CUL1: variants seen among roughly 807,000 people sequenced by gnomAD.
CUL1 encodes cullin 1, also known as cullin-1.
A neutral mutation model predicts 118.0 loss-of-function variants in CUL1; 24 were observed. The observed-to-expected ratio is 0.20, with a 90% CI of 0.15 to 0.29. The LOEUF (loss-of-function observed/expected upper bound fraction) is 0.29, where lower values mean the gene tolerates loss of function less well. CUL1 is among the 10% of genes least tolerant of loss of function. CUL1 has a pLI of 1.00. For synonymous variants in CUL1, 332 were observed against 340.4 expected, an observed-to-expected ratio of 0.98 and a Z score of 0.27; for missense variants, 361 against 933.8, an observed-to-expected ratio of 0.39 and a Z score of 7.99.
At chr7:148,707,585 C>T (rs117771649) in intron 1 of CUL1, among the ~76,000 whole-genome samples, 2,005 of 152,114 alleles carry the variant, frequency 0.013, 31 homozygotes, top group South Asian at 0.032. Context: ...CACCGATCAA[C>T]CCATCACCTA....
At chr7:148,704,407 C>T (rs934225130) in intron 1 of CUL1, among the ~76,000 whole-genome samples, 7 of 151,808 alleles carry the variant, frequency 4.6e-5, no homozygotes, top group South Asian at 2.1e-4. Flanking sequence ...GAGCAAAGTA[C>T]GTAACAAAAG....
chr7:148,734,667 G>A (rs1045217358), intron 2 of CUL1, among the ~76,000 whole-genome samples: 1 of 152,110 alleles, frequency 6.6e-6, no homozygotes, highest in Non-Finnish European at 1.5e-5. Flanking sequence ...TATTGACACC[G>A]CTATATTTCA....
At chr7:148,790,654 A>C (rs747239054) in intron 16 of CUL1, among the ~76,000 whole-genome samples, 68 of 152,332 alleles carry the variant, frequency 4.5e-4, no homozygotes, top group South Asian at 2.9e-3. Flanking sequence ...TGTGAGCCTC[A>C]GTTTTCTCCT....
chr7:148,780,689 C>T (rs1257151262), intron 9 of CUL1, among the ~76,000 whole-genome samples: 1 of 152,232 alleles, frequency 6.6e-6, no homozygotes, highest in African/African-American at 2.4e-5. Context: ...CAACTGAAAT[C>T]ATATAGGAGT....
chr7:148,793,115 G>A (rs777326735), intron 17 of CUL1, among the ~76,000 whole-genome samples: 4 of 152,128 alleles, frequency 2.6e-5, no homozygotes, highest in African/African-American at 4.8e-5. Flanking sequence ...AGCTATGATC[G>A]TGCCACTGTA....
chr7:148,793,791 A>G (rs4726993), intron 17 of CUL1, among the ~76,000 whole-genome samples: 11,378 of 152,286 alleles, frequency 0.075, 499 homozygotes, highest in African/African-American at 0.1. Context: ...TTGCTGAGTC[A>G]TGTAATAGCT....
At chr7:148,776,853 G>A (rs1361511875) in intron 9 of CUL1, among the ~76,000 whole-genome samples, 1 of 152,132 alleles carries the variant, frequency 6.6e-6, no homozygotes, top group Non-Finnish European at 1.5e-5. Context: ...ACTGAGTCAG[G>A]CAGCCCTATA....
chr7:148,741,530 T>C (rs180763061), intron 2 of CUL1, among the ~76,000 whole-genome samples: 1 of 152,342 alleles, frequency 6.6e-6, no homozygotes, highest in East Asian at 1.9e-4. Context: ...CCTCCTCCTC[T>C]TAGGTTCAAG....
chr7:148,752,805 C>T (rs1265267901), intron 2 of CUL1, among the ~76,000 whole-genome samples: 4 of 152,136 alleles, frequency 2.6e-5, no homozygotes, highest in East Asian at 1.9e-4. Context: ...CCTGCCACCA[C>T]GCCCGGCTAA....
intron 2 of CUL1, among the ~76,000 whole-genome samples, chr7:148,732,382 C>T (rs1798790882): frequency 6.6e-6 from 1 of 150,768 alleles, no homozygotes; most frequent in Admixed American, 6.6e-5. Context: ...CTCGCTCTGC[C>T]ACCCAGGCTA....
intron 9 of CUL1, among the ~76,000 whole-genome samples, chr7:148,768,413 C>G (rs1204341431): frequency 8.2e-6 from 1 of 122,626 alleles, no homozygotes; most frequent in Admixed American, 9.3e-5. Flanking sequence ...GAGAAGGCGT[C>G]TTGCTCTCTT....
At position 148,710,721 on chromosome 7, in the gene CUL1, C is replaced by T. The variant is rs142688278; in HGVS notation, c.-162+11692C>T. 3.9e-3 allele frequency among the ~76,000 whole-genome samples: 590 copies of T among 151,318 alleles called. 5 individuals are homozygous for T. The highest frequency in any genetic ancestry group is 0.014 in the African/African-American group (561 of 41,144). On this transcript the variant is annotated intron_variant, in intron 1 of 21. Coordinates refer to ENST00000325222, the MANE Select transcript of CUL1 (RefSeq NM_003592.3). ...TCTCCTAGGCTGGAGTGCAATGGCA[C>T]GATCTCAGCTCACTGCAACCCCCGC...
At chr7:148,782,475 A>G (rs1303332387) in intron 9 of CUL1, among the ~76,000 whole-genome samples, 2 of 152,200 alleles carry the variant, frequency 1.3e-5, no homozygotes, top group African/African-American at 4.8e-5. Flanking sequence ...AATATCTGCA[A>G]TACTGCCTTT....
At chr7:148,783,320 G>C (rs1800707342) in intron 9 of CUL1, 2 of 985,268 alleles carry the variant, frequency 2.0e-6, no homozygotes, top group South Asian at 4.7e-5. Context: ...GTTTGCAGTG[G>C]GTGGGGGCCG....
rs750172244 is a variant in CUL1, at chr7:148,726,388, T to TA, written c.-161-3562dup. ...TCTTGGTTTTTCAAAAGTCAAGCTT[T>TA]AAAAAAAAAAAAGGGCTTTCTTAAA... On this transcript the variant is annotated intron_variant, in intron 1 of 21. Transcript: ENST00000325222. Among the ~76,000 whole-genome samples, 171 of 143,828 alleles carry TA rather than the reference T, an allele frequency of 1.2e-3. 3 individuals are homozygous for TA. Among genetic ancestry groups the TA allele is most frequent in the Middle Eastern group, 7.1e-3 (2 of 280 alleles). The allele number at this position is 143,828 out of a possible 152,430, so 94.4% of individuals were successfully genotyped here. A position where few individuals can be genotyped will look rare whatever the true frequency, so the allele number is the denominator to read the frequency against.
chr7:148,707,798 T>C (rs1797934496), intron 1 of CUL1, among the ~76,000 whole-genome samples: 1 of 152,244 alleles, frequency 6.6e-6, no homozygotes, highest in South Asian at 2.1e-4. Context: ...AGCATCTCAA[T>C]ACTTCTCTTG....
Position 148,800,753 on chromosome 7 carries a change from A to G in CUL1, c.*171A>G, listed in dbSNP as rs1801360398. ...CGGATTTACATCGGAACTGCTCAGG[A>G]TTGATACATTTCAAGTCTGTAAATA... On this transcript the variant is annotated 3_prime_UTR_variant, in exon 22 of 22. Transcript: ENST00000325222. The surrounding 1 kb of genome is among the most constrained non-coding windows in gnomAD (Gnocchi z 4.6). The G allele has an allele frequency of 5.1e-6, 3 of 583,254 alleles. No homozygotes were observed. The African/African-American group carries it at 5.7e-5, about 11-fold the overall frequency. 36.1% of individuals were successfully genotyped at this position (583,254 alleles called of 1,614,324 possible).
chr7:148,789,497 C>T (rs1800936638), intron 14 of CUL1, among the ~76,000 whole-genome samples: 1 of 152,086 alleles, frequency 6.6e-6, no homozygotes, highest in Admixed American at 6.5e-5. Flanking sequence ...CGTGTGACAG[C>T]AGAATTCCGA....
intron 9 of CUL1, among the ~76,000 whole-genome samples, chr7:148,769,818 C>T (rs961451252): frequency 1.3e-5 from 2 of 151,956 alleles, no homozygotes; most frequent in Non-Finnish European, 2.9e-5. Context: ...TCACTTGAGC[C>T]CAGGAGTTCG....
Sources: allele counts gnomAD v4.1 joint callset (sites outside exome capture counted in the v4.1 genomes callset), GRCh38; gene constraint gnomAD v4.1.1; non-coding constraint Gnocchi (gnomAD v3.1); transcripts MANE v1.5; gene names NCBI Gene and HGNC (gene_info 2026-07-23, HGNC 2026-07-21).